EHD4: variants seen among roughly 807,000 people sequenced by gnomAD.
EHD4 encodes the protein EH domain-containing protein 4.
In EHD4, 37 loss-of-function variants were observed where a neutral mutation model predicts 51.0. The ratio of observed to expected loss-of-function variants is 0.73; its 90% CI spans 0.56 to 0.95. EHD4 has a LOEUF of 0.95. EHD4 is among the 40% of genes least tolerant of loss of function. The probability of loss-of-function intolerance (pLI) is 0.00; values close to 1 mark genes in which losing one functional copy is unlikely to be tolerated. For missense variants in EHD4, 632 were observed against 733.1 expected (o/e 0.86, Z 1.59); for synonymous variants, 297 against 317.3 (o/e 0.94, Z 0.68).
intron 2 of EHD4, among the ~76,000 whole-genome samples, chr15:41,947,581 C>T (rs8035074): frequency 0.44 from 66,360 of 152,000 alleles, 15,665 homozygotes; most frequent in Non-Finnish European, 0.55. Flanking sequence ...TAAATTTGCA[C>T]AGTAAATAGA....
chr15:41,912,348 C>T (rs987602980), intron 4 of EHD4, among the ~76,000 whole-genome samples: 8 of 152,124 alleles, frequency 5.3e-5, no homozygotes, highest in African/African-American at 1.9e-4. Flanking sequence ...CTTCCTGGTG[C>T]GCCCTAAACA....
At chr15:41,919,680 G>C in intron 3 of EHD4, 58 bp from the exon 4 acceptor site, 1 of 1,458,900 alleles carries the variant, frequency 6.9e-7, no homozygotes, top group Non-Finnish European at 9.1e-7. Flanking sequence ...ACGTTTAATG[G>C]GCGGCTCAGG....
chr15:41,914,555 T>C (rs949670240), intron 4 of EHD4, among the ~76,000 whole-genome samples: 8 of 152,122 alleles, frequency 5.3e-5, no homozygotes, highest in African/African-American at 1.9e-4. Context: ...CGGAGGGGGC[T>C]GCACACTTGT....
intron 1 of EHD4, among the ~76,000 whole-genome samples, chr15:41,955,516 C>T (rs114527931): frequency 0.012 from 1,828 of 152,232 alleles, 14 homozygotes; most frequent in African/African-American, 0.026. Flanking sequence ...TCCCCCTGCA[C>T]GGTCCTCTGG....
chr15:41,967,694 T>C (rs1472178145), intron 1 of EHD4, among the ~76,000 whole-genome samples: 45 of 152,218 alleles, frequency 3.0e-4, no homozygotes, highest in Admixed American at 2.9e-3. Flanking sequence ...ACTTCCCTTT[T>C]CCTTAATTAC....
chr15:41,948,270 T>G (rs1465058360), intron 2 of EHD4, among the ~76,000 whole-genome samples: 1 of 151,930 alleles, frequency 6.6e-6, no homozygotes, highest in African/African-American at 2.4e-5. Context: ...AAAACCACGA[T>G]GGTTTAGTGA....
intron 4 of EHD4, 72 bp from the exon 5 acceptor site, chr15:41,909,935 T>C (rs910041647): frequency 8.2e-6 from 13 of 1,576,386 alleles, no homozygotes; most frequent in African/African-American, 1.4e-5. Context: ...CAAGATTGCA[T>C]CTTAACTCCA....
At chr15:41,958,523 T>C (rs2067902519) in intron 1 of EHD4, among the ~76,000 whole-genome samples, 1 of 152,072 alleles carries the variant, frequency 6.6e-6, no homozygotes, top group African/African-American at 2.4e-5. Flanking sequence ...TTGCTTAGGC[T>C]AGAATTTTTT....
chr15:41,903,138 G>A (rs1333720216), intron 5 of EHD4, among the ~76,000 whole-genome samples: 1 of 151,864 alleles, frequency 6.6e-6, no homozygotes, highest in Non-Finnish European at 1.5e-5. Flanking sequence ...TTTTATATGT[G>A]AAGTATTTCT....
At chr15:41,964,260 A>T (rs1217104239) in intron 1 of EHD4, among the ~76,000 whole-genome samples, 1 of 152,044 alleles carries the variant, frequency 6.6e-6, no homozygotes, top group African/African-American at 2.4e-5. Flanking sequence ...ACTATATTTT[A>T]TAAGTTCAAC....
intron 4 of EHD4, among the ~76,000 whole-genome samples, chr15:41,914,010 A>C (rs1265720904): frequency 2.0e-5 from 3 of 151,728 alleles, no homozygotes; most frequent in Middle Eastern, 3.4e-3. Context: ...TCACACGTAC[A>C]CTCTGACACA....
intron 3 of EHD4, among the ~76,000 whole-genome samples, chr15:41,937,687 T>C (rs2067741240): frequency 6.6e-6 from 1 of 152,256 alleles, no homozygotes; most frequent in Non-Finnish European, 1.5e-5. Flanking sequence ...TCTCTCTCCT[T>C]TCCCGAGCAA....
chr15:41,944,394 A>G (rs1400319024), intron 2 of EHD4, among the ~76,000 whole-genome samples: 3 of 152,148 alleles, frequency 2.0e-5, no homozygotes, highest in Non-Finnish European at 4.4e-5. Flanking sequence ...GATGGCTGAC[A>G]TCTGTGTCTG....
intron 3 of EHD4, chr15:41,928,926 G>A (rs901565048): frequency 6.6e-6 from 1 of 152,290 alleles, no homozygotes; most frequent in Non-Finnish European, 1.5e-5. Flanking sequence ...GGGAGGGGCT[G>A]ATACCAAACC....
intron 3 of EHD4, among the ~76,000 whole-genome samples, chr15:41,931,014 A>C (rs1207145461): frequency 6.6e-6 from 1 of 152,216 alleles, no homozygotes; most frequent in Non-Finnish European, 1.5e-5. Flanking sequence ...GTAAACAGGC[A>C]TGCCTTCTAC....
In EHD4 at chr15:41,972,552, C is replaced by A. The variant is rs1166349614; in HGVS notation, c.-58G>T. On this transcript the variant is annotated 5_prime_UTR_variant, in exon 1 of 6. Coordinates refer to ENST00000220325, the MANE Select transcript of EHD4 (RefSeq NM_139265.4). ...GCTCCGGGTTCGACTCTCCCCGGCT[C>A]GCACTGAGCCGCCCCGGCCGCGCTG... The A allele has an allele frequency of 1.4e-6, 2 of 1,399,352 alleles. No individual in the cohort carries two copies. Among genetic ancestry groups the A allele is most frequent in the Non-Finnish European group, 1.8e-6 (2 of 1,084,728 alleles). The allele number at this position is 1,399,352 out of a possible 1,614,324, so 86.7% of individuals were successfully genotyped here. A position where few individuals can be genotyped will look rare whatever the true frequency, so the allele number is the denominator to read the frequency against.
At chr15:41,945,365 C>T (rs1056471473) in intron 2 of EHD4, among the ~76,000 whole-genome samples, 1 of 152,232 alleles carries the variant, frequency 6.6e-6, no homozygotes, top group Non-Finnish European at 1.5e-5. Context: ...GCTCCCAGGC[C>T]TCCTGACATG....
At chr15:41,959,724 T>C (rs2067912616) in intron 1 of EHD4, among the ~76,000 whole-genome samples, 1 of 152,054 alleles carries the variant, frequency 6.6e-6, no homozygotes, top group Admixed American at 6.6e-5. Context: ...TCCCAGCACT[T>C]TGAGAGGCTG....
chr15:41,901,611 CAA>C (rs1164454286), intron 5 of EHD4, among the ~76,000 whole-genome samples: 2 of 152,206 alleles, frequency 1.3e-5, no homozygotes, highest in Non-Finnish European at 2.9e-5. Context: ...CTGGCAGAGT[CAA>C]AGCAGAGCCC....
Sources: gnomAD v4.1 joint callset for allele counts (sites outside exome capture counted in the v4.1 genomes callset) on GRCh38, gnomAD v4.1.1 for gene constraint, MANE v1.5 for transcripts, NCBI Gene and HGNC (gene_info 2026-07-23, HGNC 2026-07-21) for gene names.